LRRC8D: variants seen among roughly 807,000 people sequenced by gnomAD.
LRRC8D encodes the protein volume-regulated anion channel subunit LRRC8D.
A neutral mutation model predicts 55.8 loss-of-function variants in LRRC8D; 20 were observed. That is an observed-to-expected ratio of 0.36 (90% CI 0.25 to 0.52). The LOEUF (loss-of-function observed/expected upper bound fraction) is 0.52. Ranked by LOEUF, LRRC8D falls within the 20% of genes least tolerant of loss-of-function variation. LRRC8D has a pLI of 0.93. For synonymous variants in LRRC8D, 352 were observed against 377.0 expected, an observed-to-expected ratio of 0.93 and a Z score of 0.77; for missense variants, 651 against 1,030.8, an observed-to-expected ratio of 0.63 and a Z score of 5.05.
chr1:89,875,602 A>G (rs1662126533), intron 2 of LRRC8D, among the ~76,000 whole-genome samples: 1 of 152,232 alleles, frequency 6.6e-6, no homozygotes, highest in Non-Finnish European at 1.5e-5. Flanking sequence ...AGCCTTTCAT[A>G]TACAACAGTG....
chr1:89,930,046 GA>G (rs1227599264), intron 2 of LRRC8D, among the ~76,000 whole-genome samples: 1 of 152,184 alleles, frequency 6.6e-6, no homozygotes, highest in Non-Finnish European at 1.5e-5. Flanking sequence ...CAACCAAGAT[GA>G]AACAGTTTCA....
At chr1:89,902,463 G>C (rs147788910) in intron 2 of LRRC8D, among the ~76,000 whole-genome samples, 2 of 151,952 alleles carry the variant, frequency 1.3e-5, no homozygotes, top group Non-Finnish European at 2.9e-5. Context: ...ATAAGCTGCC[G>C]TAGCCACTGA....
intron 1 of LRRC8D, among the ~76,000 whole-genome samples, chr1:89,832,632 G>A (rs1159249370): frequency 2.6e-5 from 4 of 152,142 alleles, no homozygotes; most frequent in Non-Finnish European, 5.9e-5. Context: ...GCACTGTTGG[G>A]AAGAAGAAAA....
rs1233882032 is a variant in LRRC8D at position 89,911,675 on chromosome 1, T to C, written c.-2-21392T>C. Among the ~76,000 whole-genome samples the C allele has an allele frequency of 5.6e-5, 8 of 143,618 alleles. No homozygotes were observed. Among genetic ancestry groups the C allele is most frequent in the Admixed American group, 5.5e-4 (8 of 14,596 alleles). The allele number at this position is 143,618 out of a possible 152,430, so 94.2% of individuals were successfully genotyped here. ...AGATTTGAGAGGTGAATATTCACTT[T>C]CCCACATACCCTTGCACACGTGAGC... On this transcript the variant is annotated intron_variant, in intron 2 of 2. Transcript: ENST00000337338. This position sits in a 1 kb window ranked among gnomAD's most constrained non-coding sequence, Gnocchi z 4.0.
intron 2 of LRRC8D, among the ~76,000 whole-genome samples, chr1:89,873,163 A>G (rs886378225): frequency 6.6e-6 from 1 of 152,164 alleles, no homozygotes; most frequent in African/African-American, 2.4e-5. Context: ...GGGAACATCA[A>G]GATACTAATT....
chr1:89,880,260 G>A (rs1025100173), intron 2 of LRRC8D, among the ~76,000 whole-genome samples: 1 of 150,616 alleles, frequency 6.6e-6, no homozygotes, highest in African/African-American at 2.4e-5. Context: ...ATGTAGACTG[G>A]AGTCAAATTA....
chr1:89,874,439 CTATTTG>C (rs1457580870), intron 2 of LRRC8D, among the ~76,000 whole-genome samples: 5 of 115,564 alleles, frequency 4.3e-5, no homozygotes, highest in East Asian at 2.5e-4. Context: ...AAGTAAGAAA[CTATTTG>C]TGTGTGTGTG....
intron 2 of LRRC8D, among the ~76,000 whole-genome samples, chr1:89,848,449 A>G (rs1661332534): frequency 6.6e-6 from 1 of 152,174 alleles, no homozygotes; most frequent in South Asian, 2.1e-4. Context: ...GTGTGGGTTC[A>G]TATTGAATTA....
chr1:89,875,013 T>G (rs1161849037), intron 2 of LRRC8D, among the ~76,000 whole-genome samples: 2 of 152,178 alleles, frequency 1.3e-5, no homozygotes, highest in Non-Finnish European at 1.5e-5. Flanking sequence ...CGAGGCAACT[T>G]CTCTTACCTG....
At chr1:89,831,310 A>C (rs1660881110) in intron 1 of LRRC8D, among the ~76,000 whole-genome samples, 1 of 152,234 alleles carries the variant, frequency 6.6e-6, no homozygotes, top group Admixed American at 6.5e-5. Flanking sequence ...GCAACCCGCA[A>C]GCCCCGTACT....
chr1:89,897,699 A>T lies in LRRC8D; in HGVS notation c.-2-35368A>T, dbSNP rs183554940. On this transcript the variant is annotated intron_variant, in intron 2 of 2. Coordinates refer to ENST00000337338, the MANE Select transcript of LRRC8D (RefSeq NM_001134479.2). ...TATCAGGCATATATTAACTTTTTTT[A>T]AAAAAGGTTATTTTTAATAACCTGA... Among the ~76,000 whole-genome samples the T allele has an allele frequency of 3.5e-3, 533 of 152,242 alleles. 3 individuals are homozygous for T. Among genetic ancestry groups the T allele is most frequent in the Middle Eastern group, 6.8e-3 (2 of 294 alleles).
At chr1:89,921,311 C>G (rs1663411773) in intron 2 of LRRC8D, among the ~76,000 whole-genome samples, 1 of 151,968 alleles carries the variant, frequency 6.6e-6, no homozygotes, top group South Asian at 2.1e-4. Context: ...GCACTCTAGC[C>G]TGGACAACTG....
chr1:89,850,275 T>C (rs1183661546), intron 2 of LRRC8D, among the ~76,000 whole-genome samples: 1 of 152,222 alleles, frequency 6.6e-6, no homozygotes, highest in Non-Finnish European at 1.5e-5. Flanking sequence ...CTGTTTTATT[T>C]ATTTATTTTT....
chr1:89,867,749 G>A (rs981484803), intron 2 of LRRC8D, among the ~76,000 whole-genome samples: 1 of 152,046 alleles, frequency 6.6e-6, no homozygotes, highest in African/African-American at 2.4e-5. Context: ...TTTTTGATTT[G>A]CATTTTTCTA....
At chr1:89,845,208 T>C (rs2100750452) in intron 2 of LRRC8D, among the ~76,000 whole-genome samples, 1 of 152,324 alleles carries the variant, frequency 6.6e-6, no homozygotes, top group East Asian at 1.9e-4. Flanking sequence ...TTAAGTTTGC[T>C]TTGAAAGGAA....
chr1:89,911,306 A>T lies in LRRC8D; in HGVS notation c.-2-21761A>T, dbSNP rs1179596380. Among the ~76,000 whole-genome samples the T allele has an allele frequency of 6.6e-6, 1 of 152,128 alleles. No homozygotes were observed. The highest frequency in any genetic ancestry group is 2.4e-5 in the African/African-American group (1 of 41,418). ...AGCAATATGGTGGTTAGCAAGATTA[A>T]TGTTTACCAGTTTGCTGAAGGGAAA... On this transcript the variant is annotated intron_variant, in intron 2 of 2. Transcript: ENST00000337338. This position sits in a 1 kb window ranked among gnomAD's most constrained non-coding sequence, Gnocchi z 4.0.
rs189018829 is a variant in LRRC8D, at chr1:89,871,715, C to T, written c.-3+27933C>T. 4.6e-5 allele frequency among the ~76,000 whole-genome samples: 7 copies of T among 152,200 alleles called. No individual in the cohort carries two copies. In the East Asian group the frequency reaches 7.7e-4, roughly 17 times the overall value. On this transcript the variant is annotated intron_variant, in intron 2 of 2. Coordinates refer to ENST00000337338, the MANE Select transcript of LRRC8D (RefSeq NM_001134479.2). ...TAATAAACTTCATTATAAAACTGTT[C>T]GGTGATTTACAATTTGAAAATATTG...
intron 2 of LRRC8D, among the ~76,000 whole-genome samples, chr1:89,849,891 G>A (rs971913603): frequency 6.6e-6 from 1 of 152,034 alleles, no homozygotes; most frequent in African/African-American, 2.4e-5. Flanking sequence ...TAGTTTTAAT[G>A]TACTTGTCTC....
intron 2 of LRRC8D, among the ~76,000 whole-genome samples, chr1:89,865,330 TTATATA>T (rs34852331): frequency 0.04 from 5,546 of 139,250 alleles, 120 homozygotes; most frequent in Middle Eastern, 0.049. Context: ...AAACATGAAA[TTATATA>T]TATATATATA....
Sources: allele counts gnomAD v4.1 joint callset (sites outside exome capture counted in the v4.1 genomes callset), GRCh38; gene constraint gnomAD v4.1.1; non-coding constraint Gnocchi (gnomAD v3.1); transcripts MANE v1.5; gene names NCBI Gene and HGNC (gene_info 2026-07-23, HGNC 2026-07-21).